CNGB3: variants seen among roughly 807,000 people sequenced by gnomAD.
CNGB3 encodes cyclic nucleotide-gated channel beta-3.
In CNGB3, 86 loss-of-function variants were observed where a neutral mutation model predicts 92.8. The ratio of observed to expected loss-of-function variants is 0.93; its 90% CI spans 0.78 to 1.11. CNGB3 has a LOEUF of 1.11. Ranked by LOEUF, CNGB3 falls within the 50% of genes least tolerant of loss-of-function variation. The probability of loss-of-function intolerance (pLI) is 0.00; values close to 1 mark genes in which losing one functional copy is unlikely to be tolerated. For missense variants in CNGB3, 1,026 were observed against 956.8 expected (o/e 1.07, Z -0.95); for synonymous variants, 333 against 332.7 (o/e 1.00, Z -0.01).
intron 3 of CNGB3, among the ~76,000 whole-genome samples, chr8:86,693,405 CTT>C (rs1020539558): frequency 1.2e-4 from 15 of 123,066 alleles, no homozygotes; most frequent in African/African-American, 4.1e-4. Flanking sequence ...TTATTGGAAA[CTT>C]TGTTCATTTT....
At chr8:86,593,595 C>A (rs1822101818) in intron 15 of CNGB3, among the ~76,000 whole-genome samples, 1 of 152,100 alleles carries the variant, frequency 6.6e-6, no homozygotes, top group African/African-American at 2.4e-5. Context: ...CCACTAGGTA[C>A]AAATGGCCAT....
chr8:86,659,015 C>T, intron 6 of CNGB3: 1 of 1,025,864 alleles, frequency 9.7e-7, no homozygotes, highest in Non-Finnish European at 1.5e-6. Flanking sequence ...GCTCCTTCCG[C>T]AGGTGCTCGG....
At chr8:86,739,589 C>T (rs1825304568) in intron 2 of CNGB3, 66 bp downstream of exon 2, 3 of 1,586,408 alleles carry the variant, frequency 1.9e-6, no homozygotes, top group Middle Eastern at 1.7e-4. Context: ...TCAGACAGCA[C>T]ATTTCAGATA....
chr8:86,590,746 G>A (rs1050568352), intron 15 of CNGB3, among the ~76,000 whole-genome samples: 2 of 144,604 alleles, frequency 1.4e-5, no homozygotes, highest in East Asian at 4.0e-4. Context: ...AGGGTAACCC[G>A]ACCTTTCTCT....
At chr8:86,722,010 A>G (rs1275561050) in intron 3 of CNGB3, among the ~76,000 whole-genome samples, 1 of 152,176 alleles carries the variant, frequency 6.6e-6, no homozygotes, top group African/African-American at 2.4e-5. Flanking sequence ...ATGAACAAAG[A>G]AGACTATTCA....
chr8:86,674,341 C>G (rs1010165509), intron 3 of CNGB3, among the ~76,000 whole-genome samples: 1 of 152,182 alleles, frequency 6.6e-6, no homozygotes, highest in Non-Finnish European at 1.5e-5. Flanking sequence ...AAAAAGAATG[C>G]AAGCATATCA....
intron 3 of CNGB3, 40 bp downstream of exon 3, chr8:86,726,491 A>G: frequency 6.2e-7 from 1 of 1,612,912 alleles, no homozygotes; most frequent in Non-Finnish European, 8.5e-7. Flanking sequence ...AGGCTGAGCA[A>G]TATCTCTAAA....
chr8:86,643,776 A>G lies in CNGB3; in HGVS notation c.1153T>C (p.Trp385Arg). The G allele has an allele frequency of 6.2e-7, 1 of 1,605,646 alleles. No homozygotes were observed. Among genetic ancestry groups the G allele is most frequent in the Non-Finnish European group, 8.5e-7 (1 of 1,175,082 alleles). The change falls in exon 10 of 18, where the codon TGG becomes CGG. Residue 385 changes from tryptophan (W) to arginine (R), a missense_variant. Trp to Arg is a moderately radical substitution (Grantham distance 101, BLOSUM62 -3). Transcript: ENST00000320005. ...SNYEGIGTTR[W>R]VYDGEGNEYL... is the part of the protein sequence containing the mutation. ...TCGTTTCCTTCCCCATCATACACCC[A>G]TCTAGTAGTGCCAATTCCTTCATAG...
Position 86,578,722 on chromosome 8 carries a change from T to A in CNGB3, c.2070A>T (p.Arg690Ser). The A allele has an allele frequency of 6.2e-7, 1 of 1,614,164 alleles. No individual in the cohort carries two copies. The highest frequency in any genetic ancestry group is 8.5e-7 in the Non-Finnish European group (1 of 1,180,034). Reference sequence around the variant, plus strand: ...CTTGCTCTCGCTTCAATTTGAGTAGTCTTGCAAGACTTGCTTTTCCTGTGC... The same window carrying A: ...CTTGCTCTCGCTTCAATTTGAGTAGACTTGCAAGACTTGCTTTTCCTGTGC... The part of the protein sequence containing the change: ...LGGTGKASLA[R>S]LLKLKREQAA... The change falls in exon 17 of 18, where the codon AGA (arginine) becomes AGT (serine). Residue 690 changes from arginine (R) to serine (S), a missense_variant. Transcript: ENST00000320005.
At chr8:86,652,493 C>T (rs1041971538) in intron 7 of CNGB3, among the ~76,000 whole-genome samples, 1 of 151,990 alleles carries the variant, frequency 6.6e-6, no homozygotes, top group South Asian at 2.1e-4. Flanking sequence ...TTTGTAATAA[C>T]ACTTAGCTTA....
intron 3 of CNGB3, among the ~76,000 whole-genome samples, chr8:86,721,427 G>A (rs1047857972): frequency 4.0e-5 from 6 of 151,836 alleles, no homozygotes; most frequent in Admixed American, 6.6e-5. Flanking sequence ...GAGTGGGAAG[G>A]GGGTGAAGGA....
Position 86,611,533 on chromosome 8 carries a change from C to T in CNGB3, c.1662+55G>A, listed in dbSNP as rs183005285. 1.1e-3 allele frequency: 1,614 copies of T among 1,410,564 alleles called. 2 individuals carry two copies. Among genetic ancestry groups the T allele is most frequent in the East Asian group, 3.5e-3 (154 of 43,778 alleles). The allele number at this position is 1,410,564 out of a possible 1,614,324, so 87.4% of individuals were successfully genotyped here. Reference sequence around the variant, plus strand: ...TTAAACAATGTTCTTGACTTATGTCCGAAATCCTCAAATGCATTTATTAGT... The same window carrying T: ...TTAAACAATGTTCTTGACTTATGTCTGAAATCCTCAAATGCATTTATTAGT... On this transcript the variant is annotated intron_variant, in intron 14 of 17. Transcript: ENST00000320005.
At chr8:86,622,952 A>G (rs1822769798) in intron 13 of CNGB3, among the ~76,000 whole-genome samples, 1 of 152,300 alleles carries the variant, frequency 6.6e-6, no homozygotes, top group Non-Finnish European at 1.5e-5. Flanking sequence ...AGAGTCCTAG[A>G]ATACTGACCT....
At chr8:86,681,389 G>C (rs1051016232) in intron 3 of CNGB3, among the ~76,000 whole-genome samples, 22 of 152,174 alleles carry the variant, frequency 1.4e-4, no homozygotes, top group African/African-American at 4.8e-4. Flanking sequence ...TTCTCCCAGA[G>C]TGTAGCACAG....
chr8:86,727,040 G>A (rs555242147), intron 2 of CNGB3, among the ~76,000 whole-genome samples: 20 of 152,278 alleles, frequency 1.3e-4, no homozygotes, highest in African/African-American at 4.6e-4. Flanking sequence ...TGTGCAGCAT[G>A]TTACTGTAAT....
chr8:86,601,256 G>T (rs1012194055), intron 15 of CNGB3, among the ~76,000 whole-genome samples: 3 of 152,146 alleles, frequency 2.0e-5, no homozygotes, highest in African/African-American at 7.2e-5. Context: ...ATGCAGACAG[G>T]AAGTGGTTAA....
At chr8:86,658,418 G>T (rs779941902) in intron 6 of CNGB3, 1 of 425,682 alleles carries the variant, frequency 2.3e-6, no homozygotes, top group Non-Finnish European at 4.4e-6. Flanking sequence ...ACTTCTGCTG[G>T]CTGGTAGCTT....
intron 3 of CNGB3, among the ~76,000 whole-genome samples, chr8:86,687,352 A>G (rs1824208694): frequency 6.6e-6 from 1 of 152,106 alleles, no homozygotes; most frequent in African/African-American, 2.4e-5. Context: ...TTATTCAGCC[A>G]TATAAAAGAA....
chr8:86,662,937 G>C (rs1823672328), intron 6 of CNGB3, among the ~76,000 whole-genome samples: 1 of 152,166 alleles, frequency 6.6e-6, no homozygotes, highest in African/African-American at 2.4e-5. Context: ...TTTGGGGGAT[G>C]AAAAAGATTG....
Sources: gnomAD v4.1 joint callset for allele counts (sites outside exome capture counted in the v4.1 genomes callset) on GRCh38, gnomAD v4.1.1 for gene constraint, MANE v1.5 for transcripts, NCBI Gene and HGNC (gene_info 2026-07-23, HGNC 2026-07-21) for gene names.